The following LRFN3 variants were observed in gnomAD, a reference collection of about 807,000 sequenced individuals.
LRFN3 encodes leucine-rich repeat and fibronectin type-III domain-containing protein 3.
A neutral mutation model predicts 23.8 loss-of-function variants in LRFN3; 8 were observed. The observed-to-expected ratio is 0.34, with a 90% CI of 0.20 to 0.61. The LOEUF (loss-of-function observed/expected upper bound fraction) is 0.61, where lower values mean the gene tolerates loss of function less well. LRFN3 is among the 20% of genes least tolerant of loss of function. LRFN3 has a pLI of 0.80. For missense variants in LRFN3, 736 were observed against 935.3 expected (o/e 0.79, Z 2.78); for synonymous variants, 451 against 450.6 (o/e 1.00, Z -0.01).
At chr19:35,941,889 C>CA (rs1555781730) in intron 2 of LRFN3, among the ~76,000 whole-genome samples, 13 of 130,668 alleles carry the variant, frequency 9.9e-5, no homozygotes, top group African/African-American at 3.4e-4. Context: ...TTTTTCTTTT[C>CA]TTTTTTTTTT....
chr19:35,944,231 T>G lies in LRFN3; in HGVS notation c.1416-317T>G, dbSNP rs1223982283. On this transcript the variant is annotated intron_variant, in intron 2 of 2. Coordinates refer to ENST00000246529, the MANE Select transcript of LRFN3 (RefSeq NM_024509.2). The surrounding 1 kb of genome is among the most constrained non-coding windows in gnomAD (Gnocchi z 4.5). ...AAGAAAGAAAAGAAACAGGATGGATTGGAAGAACTCACGTGGTGAGCTGTT... is the reference window on the plus strand; with the variant it reads ...AAGAAAGAAAAGAAACAGGATGGATGGGAAGAACTCACGTGGTGAGCTGTT... Among the ~76,000 whole-genome samples the G allele has an allele frequency of 6.6e-6, 1 of 151,986 alleles. No individual in the cohort carries two copies. The highest frequency in any genetic ancestry group is 1.5e-5 in the Non-Finnish European group (1 of 67,982).
At position 35,940,116 on chromosome 19, in the gene LRFN3, C is replaced by G; in HGVS notation, c.691C>G (p.Leu231Val). 6.2e-7 allele frequency: 1 copy of G among 1,611,596 alleles called. No homozygotes were observed. The highest frequency in any genetic ancestry group is 8.5e-7 in the Non-Finnish European group (1 of 1,179,478). Residue 231 changes from leucine (L) to valine (V), a missense_variant, in exon 2 of 3, where the codon CTC becomes GTC. This residue lies in a region of LRFN3 where 446 missense variants were observed against 647.9 expected (regional missense o/e 0.69). Transcript: ENST00000246529. ...PDPLFSRLPL[L>V]ARPRGSPASA... ...CCCACTCTTCTCCCGCCTGCCCCTG[C>G]TCGCCAGGCCCCGGGGCTCGCCCGC...
chr19:35,940,759 G>A lies in LRFN3; in HGVS notation c.1334G>A (p.Trp445Ter). The A allele has an allele frequency of 1.2e-6, 2 of 1,612,682 alleles. No homozygotes were observed. Among genetic ancestry groups the A allele is most frequent in the Non-Finnish European group, 1.7e-6 (2 of 1,179,310 alleles). ...EHGATAALVQWPDQRPIPGIR... is the reference protein window; with the variant it reads ...EHGATAALVQ ...GGGGCCACAGCTGCTCTTGTCCAGT[G>A]GCCGGATCAGCGGCCTATCCCGGGC... Residue 445 changes from tryptophan (W) to a stop codon, truncating the protein, a stop_gained, in exon 2 of 3, where the codon TGG becomes TAG. Transcript: ENST00000246529. LOFTEE classifies it high-confidence loss of function.
intron 1 of LRFN3, among the ~76,000 whole-genome samples, chr19:35,937,828 C>G (rs552559306): frequency 6.6e-6 from 1 of 152,188 alleles, no homozygotes; most frequent in Non-Finnish European, 1.5e-5. Context: ...CCGGTCCGAC[C>G]GTCTCCGCCA....
intron 2 of LRFN3, among the ~76,000 whole-genome samples, chr19:35,942,152 G>T (rs1047449171): frequency 1.3e-5 from 2 of 152,208 alleles, no homozygotes; most frequent in East Asian, 3.8e-4. Flanking sequence ...AAAGTGCTAG[G>T]ATTACAGGCC....
Position 35,940,717 on chromosome 19 carries a change from T to C in LRFN3, c.1292T>C (p.Val431Ala), listed in dbSNP as rs1247123203. The change falls in exon 2 of 3, where the codon GTC (valine) becomes GCC (alanine). Residue 431 changes from valine to alanine, a missense_variant. Physicochemically the swap from Val to Ala is moderately conservative, Grantham distance 64 (BLOSUM62 0). This residue lies in a region of LRFN3 where 446 missense variants were observed against 647.9 expected (regional missense o/e 0.69). Transcript: ENST00000246529. ...ACTGGGCCCCCTACCGACCGTGGCG[T>C]CCAGGTGACTGAGCACGGGGCCACA... is the stretch of plus-strand genomic sequence containing the variant. ...ADTGPPTDRG[V>A]QVTEHGATAA... is the part of the protein sequence containing the mutation. The C allele has an allele frequency of 6.2e-7, 1 of 1,613,430 alleles. No individual in the cohort carries two copies. The highest frequency in any genetic ancestry group is 8.5e-7 in the Non-Finnish European group (1 of 1,179,986).
chr19:35,943,842 GGAGGGAAATT>G (rs1976147899), intron 2 of LRFN3, among the ~76,000 whole-genome samples: 1 of 152,088 alleles, frequency 6.6e-6, no homozygotes, highest in Non-Finnish European at 1.5e-5. Context: ...GCTGCAGGCT[GGAGGGAAATT>G]GAGTGGGCAG....
chr19:35,942,769 C>G (rs1458623096), intron 2 of LRFN3, among the ~76,000 whole-genome samples: 1 of 152,160 alleles, frequency 6.6e-6, no homozygotes, highest in Non-Finnish European at 1.5e-5. Flanking sequence ...TGGCTTAACC[C>G]CTATAATCCC....
Position 35,939,812 on chromosome 19 carries a change from C to T in LRFN3, c.387C>T (p.Gly129=), listed in dbSNP as rs367953154. ...LTSLGEGQLR[G]LVNLRHLILS... is the part of the protein sequence containing the mutation. ...CACTGGGCGAGGGCCAGCTGCGCGG[C>T]CTGGTCAACTTGCGCCACCTCATCC... Residue 129 remains glycine (G), a synonymous_variant, in exon 2 of 3, where the codon GGC becomes GGT. Transcript: ENST00000246529. The surrounding 1 kb of genome is among the most constrained non-coding windows in gnomAD (Gnocchi z 6.4). 15 of 1,603,116 alleles carry T rather than the reference C, an allele frequency of 9.4e-6. No individual in the cohort carries two copies. In the African/African-American group the frequency reaches 1.1e-4, roughly 11 times the overall value.
At position 35,945,035 on chromosome 19, in the gene LRFN3, T is replaced by C. The variant is rs201851860; in HGVS notation, c.*16T>C. Reference sequence around the variant, plus strand: ...GGGACCCTAGCCAGGCGCCCCCCCCTCTAAGGGTCCTCTGGCCCCACGGAC... The same window carrying C: ...GGGACCCTAGCCAGGCGCCCCCCCCCCTAAGGGTCCTCTGGCCCCACGGAC... On this transcript the variant is annotated 3_prime_UTR_variant, in exon 3 of 3. Transcript: ENST00000246529. The C allele has an allele frequency of 3.2e-4, 290 of 918,060 alleles. No homozygotes were observed. Among genetic ancestry groups the C allele is most frequent in the South Asian group, 3.8e-4 (16 of 42,492 alleles). 56.9% of individuals were successfully genotyped at this position (918,060 alleles called of 1,614,324 possible).
At chr19:35,942,686 C>G (rs1036231048) in intron 2 of LRFN3, among the ~76,000 whole-genome samples, 2 of 152,180 alleles carry the variant, frequency 1.3e-5, no homozygotes, top group Non-Finnish European at 1.5e-5. Context: ...ATTCTACTCC[C>G]TTTCTCAGAC....
At position 35,940,427 on chromosome 19, in the gene LRFN3, C is replaced by A; in HGVS notation, c.1002C>A (p.Gly334=). 1 of 1,596,120 alleles carries A rather than the reference C, an allele frequency of 6.3e-7. No individual in the cohort carries two copies. Among genetic ancestry groups the A allele is most frequent in the Non-Finnish European group, 8.5e-7 (1 of 1,175,722 alleles). ...EPRVRWVSPQ[G]RLLGNSSRAR... is the part of the protein sequence containing the mutation. ...GTGTGCGTTGGGTGTCACCCCAGGG[C>A]CGGCTGCTAGGCAACTCAAGCCGTG... Residue 334 remains glycine, a synonymous_variant, in exon 2 of 3, where the codon GGC becomes GGA. Coordinates refer to ENST00000246529, the MANE Select transcript of LRFN3 (RefSeq NM_024509.2).
At position 35,945,101 on chromosome 19, in the gene LRFN3, A is replaced by C; in HGVS notation, c.*82A>C. 2.5e-6 allele frequency: 2 copies of C among 786,968 alleles called. No homozygotes were observed. The highest frequency in any genetic ancestry group is 3.6e-6 in the Non-Finnish European group (2 of 548,696). 48.7% of individuals were successfully genotyped at this position (786,968 alleles called of 1,614,324 possible). ...CCCTGTGGGACCTGGCCTCAAACTC[A>C]CCAAATCGCTCATGGTTTTTAAAAC... On this transcript the variant is annotated 3_prime_UTR_variant, in exon 3 of 3. Transcript: ENST00000246529.
chr19:35,944,397 A>C lies in LRFN3; in HGVS notation c.1416-151A>C. ...TGAATGGGATGTCAGACCAAAGGGA[A>C]TTGGGATGTTGGTGAGAGGGAGCTC... On this transcript the variant is annotated intron_variant, in intron 2 of 2. Coordinates refer to ENST00000246529, the MANE Select transcript of LRFN3 (RefSeq NM_024509.2). The surrounding 1 kb of genome is among the most constrained non-coding windows in gnomAD (Gnocchi z 4.5). 2.0e-6 allele frequency: 1 copy of C among 508,890 alleles called. No individual in the cohort carries two copies. The highest frequency in any genetic ancestry group is 3.3e-6 in the Non-Finnish European group (1 of 303,422). 31.5% of individuals were successfully genotyped at this position (508,890 alleles called of 1,614,324 possible). A position where few individuals can be genotyped will look rare whatever the true frequency, so the allele number is the denominator to read the frequency against.
intron 1 of LRFN3, among the ~76,000 whole-genome samples, chr19:35,938,451 C>T (rs1976080833): frequency 6.6e-6 from 1 of 151,560 alleles, no homozygotes; most frequent in Admixed American, 6.6e-5. Flanking sequence ...CGCTGATGCC[C>T]TCTGATCATC....
rs114798267 is a variant in LRFN3 at position 35,939,157 on chromosome 19, G to A, written c.-16-253G>A. Among the ~76,000 whole-genome samples the A allele has an allele frequency of 5.2e-3, 794 of 152,120 alleles. 6 individuals are homozygous for A. The highest frequency in any genetic ancestry group is 0.019 in the African/African-American group (772 of 41,494). On this transcript the variant is annotated intron_variant, in intron 1 of 2. Transcript: ENST00000246529. The surrounding 1 kb of genome is among the most constrained non-coding windows in gnomAD (Gnocchi z 6.4). Reference sequence around the variant, plus strand: ...AAAAATTTTTGTATAATAGATACACGGTCTCACTTTGTTGCCCAGGCTGGT... The same window carrying A: ...AAAAATTTTTGTATAATAGATACACAGTCTCACTTTGTTGCCCAGGCTGGT...
rs904945417 is a variant in LRFN3, at chr19:35,946,617, A to AC, written c.*1604dup. Among the ~76,000 whole-genome samples, 59 of 152,224 alleles carry AC rather than the reference A, an allele frequency of 3.9e-4. No individual in the cohort carries two copies. The highest frequency in any genetic ancestry group is 1.3e-3 in the African/African-American group (52 of 41,526). Reference sequence around the variant, plus strand: ...AATGATATAAATAAAGGCTGCGGTGACCCCCCAGAGAGCAGTGTTAGGGGG... The same window carrying AC: ...AATGATATAAATAAAGGCTGCGGTGACCCCCCCAGAGAGCAGTGTTAGGGGG... On this transcript the variant is annotated 3_prime_UTR_variant, in exon 3 of 3. Transcript: ENST00000246529.
At chr19:35,942,755 G>T (rs542644226) in intron 2 of LRFN3, among the ~76,000 whole-genome samples, 20 of 152,086 alleles carry the variant, frequency 1.3e-4, no homozygotes, top group African/African-American at 4.3e-4. Context: ...TCGGCCAGGC[G>T]CGGTGGCTTA....
Position 35,939,441 on chromosome 19 carries a change from T to C in LRFN3, c.16T>C (p.Leu6=). 1.9e-6 allele frequency: 3 copies of C among 1,588,202 alleles called. No individual in the cohort carries two copies. Among genetic ancestry groups the C allele is most frequent in the Non-Finnish European group, 2.6e-6 (3 of 1,168,498 alleles). Residue 6 remains leucine, a synonymous_variant, in exon 2 of 3, where the codon TTG becomes CTG. Coordinates refer to ENST00000246529, the MANE Select transcript of LRFN3 (RefSeq NM_024509.2). This position sits in a 1 kb window ranked among gnomAD's most constrained non-coding sequence, Gnocchi z 6.4. ...CCTGCCCGCGATGGCCATCCTCCCGTTGCTCCTGTGCCTGCTGCCGCTGGC... is the reference window on the plus strand; with the variant it reads ...CCTGCCCGCGATGGCCATCCTCCCGCTGCTCCTGTGCCTGCTGCCGCTGGC... MAILP[L]LLCLLPLAPA...
Sources: allele counts gnomAD v4.1 joint callset (sites outside exome capture counted in the v4.1 genomes callset), GRCh38; gene constraint gnomAD v4.1.1; regional missense constraint gnomAD v4.1.1; non-coding constraint Gnocchi (gnomAD v3.1); transcripts MANE v1.5; gene names NCBI Gene and HGNC (gene_info 2026-07-23, HGNC 2026-07-21).